The following ATG4B variants were observed in gnomAD, a reference collection of about 807,000 sequenced individuals.
The protein encoded by ATG4B is autophagy related 4B cysteine peptidase, also known as cysteine protease ATG4B.
ATG4B carries 29 observed loss-of-function variants against 56.6 expected under a neutral mutation model. The ratio of observed to expected loss-of-function variants is 0.51; its 90% CI spans 0.38 to 0.70. The LOEUF (loss-of-function observed/expected upper bound fraction) is 0.70, where lower values mean the gene tolerates loss of function less well. Among genes scored for constraint, ATG4B ranks in the 30% least tolerant of loss-of-function variants. The pLI is 0.00. For synonymous variants in ATG4B, 224 were observed against 206.1 expected (o/e 1.09, Z -0.74); for missense variants, 461 against 515.5 (o/e 0.89, Z 1.02).
At chr2:241,637,832 G>T (rs901154151) in intron 1 of ATG4B, 108 bp downstream of exon 1, 35 of 1,299,058 alleles carry the variant, frequency 2.7e-5, no homozygotes, top group Admixed American at 7.5e-5. Flanking sequence ...ACGCCGGTGC[G>T]GGCCAGGCTG....
chr2:241,649,790 T>G (rs896536781), intron 1 of ATG4B, among the ~76,000 whole-genome samples: 1 of 150,212 alleles, frequency 6.7e-6, no homozygotes, highest in African/African-American at 2.4e-5. Context: ...TTTTCTTTTT[T>G]TTTTTTTTTT....
chr2:241,668,437 T>C lies in ATG4B; in HGVS notation c.812-103T>C. Reference sequence around the variant, plus strand: ...TCCCTCCCCACCTCCTGCCCACTGCTTCTCAGTGTGATGTGGGTGCAGTGG... The same window carrying C: ...TCCCTCCCCACCTCCTGCCCACTGCCTCTCAGTGTGATGTGGGTGCAGTGG... On this transcript the variant is annotated intron_variant, in intron 9 of 12. Coordinates refer to ENST00000404914, the MANE Select transcript of ATG4B (RefSeq NM_013325.5). The surrounding 1 kb of genome is among the most constrained non-coding windows in gnomAD (Gnocchi z 4.2). 6.7e-7 allele frequency: 1 copy of C among 1,487,788 alleles called. No individual in the cohort carries two copies. The highest frequency in any genetic ancestry group is 9.1e-7 in the Non-Finnish European group (1 of 1,098,012). 92.2% of individuals were successfully genotyped at this position (1,487,788 alleles called of 1,614,324 possible). A position where few individuals can be genotyped will look rare whatever the true frequency, so the allele number is the denominator to read the frequency against.
intron 6 of ATG4B, among the ~76,000 whole-genome samples, chr2:241,658,061 C>G (rs779438550): frequency 6.6e-6 from 1 of 152,230 alleles, no homozygotes; most frequent in Non-Finnish European, 1.5e-5. Context: ...TAGTGCCACT[C>G]CCCGTTCCTG....
At chr2:241,656,772 C>T (rs2068417400) in intron 6 of ATG4B, among the ~76,000 whole-genome samples, 2 of 152,252 alleles carry the variant, frequency 1.3e-5, no homozygotes, top group African/African-American at 4.8e-5. Flanking sequence ...CCTGCTTCTC[C>T]TACAGTGGTC....
Position 241,651,506 on chromosome 2 carries a change from A to G in ATG4B, c.184+171A>G, listed in dbSNP as rs984419797. On this transcript the variant is annotated intron_variant, in intron 3 of 12. Coordinates refer to ENST00000404914, the MANE Select transcript of ATG4B (RefSeq NM_013325.5). This position sits in a 1 kb window ranked among gnomAD's most constrained non-coding sequence, Gnocchi z 4.1. ...CACGTGTAGTAGTGGCAAAGCTAGA[A>G]TCCACGGCGCCTGACTCTAGGCTAG... 6.6e-6 allele frequency among the ~76,000 whole-genome samples: 1 copy of G among 152,238 alleles called. No homozygotes were observed. Among genetic ancestry groups the G allele is most frequent in the Non-Finnish European group, 1.5e-5 (1 of 68,046 alleles).
intron 10 of ATG4B, among the ~76,000 whole-genome samples, chr2:241,669,073 A>AAC (rs201206626): frequency 1.2e-4 from 12 of 100,374 alleles, no homozygotes; most frequent in African/African-American, 3.4e-4. Flanking sequence ...CCCACATTTA[A>AAC]ACACGGGCGG....
intron 7 of ATG4B, among the ~76,000 whole-genome samples, chr2:241,665,474 GT>G (rs1310240642): frequency 1.3e-5 from 2 of 152,350 alleles, no homozygotes; most frequent in Non-Finnish European, 1.5e-5. Context: ...AATTGAGAAG[GT>G]TCTGCCTCTT....
chr2:241,653,709 C>T, intron 4 of ATG4B, 99 bp downstream of exon 4: 1 of 1,020,558 alleles, frequency 9.8e-7, no homozygotes, highest in South Asian at 1.6e-5. Flanking sequence ...ACAGGTAAAA[C>T]AGTAAGTAGA....
chr2:241,648,898 G>T (rs1018874479), intron 1 of ATG4B, among the ~76,000 whole-genome samples: 1 of 152,208 alleles, frequency 6.6e-6, no homozygotes, highest in African/African-American at 2.4e-5. Context: ...AGGCTTTTGG[G>T]TATAGTAAAA....
At chr2:241,652,439 G>A (rs1349993162) in intron 3 of ATG4B, among the ~76,000 whole-genome samples, 3 of 152,372 alleles carry the variant, frequency 2.0e-5, no homozygotes, top group African/African-American at 7.2e-5. Context: ...CTGGGGATGA[G>A]CCTGCACATG....
intron 1 of ATG4B, among the ~76,000 whole-genome samples, chr2:241,640,793 G>A (rs2067860445): frequency 2.6e-5 from 4 of 152,150 alleles, no homozygotes; most frequent in African/African-American, 9.7e-5. Context: ...GCAGCGGGTG[G>A]CGGTGGGAGA....
At chr2:241,659,723 A>T (rs993219535) in intron 7 of ATG4B, 1 of 200,918 alleles carries the variant, frequency 5.0e-6, no homozygotes, top group African/African-American at 2.3e-5. Context: ...GTGAGTTCCA[A>T]ATTCATGTTT....
At chr2:241,660,375 G>T (rs891744972) in intron 7 of ATG4B, among the ~76,000 whole-genome samples, 1 of 152,200 alleles carries the variant, frequency 6.6e-6, no homozygotes, top group African/African-American at 2.4e-5. Flanking sequence ...ATCCTCGGGG[G>T]CATTGTGACA....
At chr2:241,665,764 A>G (rs756451423) in intron 7 of ATG4B, among the ~76,000 whole-genome samples, 1 of 152,104 alleles carries the variant, frequency 6.6e-6, no homozygotes, top group Non-Finnish European at 1.5e-5. Context: ...CCTGCCTGAT[A>G]ATGGTGGTTT....
Position 241,668,527 on chromosome 2 carries a change from C to T in ATG4B, c.812-13C>T, listed in dbSNP as rs765865251. The T allele has an allele frequency of 3.7e-6, 6 of 1,606,234 alleles. No homozygotes were observed. Among genetic ancestry groups the T allele is most frequent in the South Asian group, 3.3e-5 (3 of 90,356 alleles). On this transcript the variant is annotated splice_polypyrimidine_tract_variant and intron_variant, in intron 9 of 12. Transcript: ENST00000404914. This position sits in a 1 kb window ranked among gnomAD's most constrained non-coding sequence, Gnocchi z 4.2. Reference sequence around the variant, plus strand: ...CTCGGCCACCCACCTGCCCACCTGCCTCATCCTCCCAGGTGAGGAGCTCAT... The same window carrying T: ...CTCGGCCACCCACCTGCCCACCTGCTTCATCCTCCCAGGTGAGGAGCTCAT...
At chr2:241,665,899 C>T (rs978642341) in intron 7 of ATG4B, among the ~76,000 whole-genome samples, 2 of 150,910 alleles carry the variant, frequency 1.3e-5, no homozygotes, top group African/African-American at 4.8e-5. Context: ...TCACTGTCAC[C>T]TGTCACTGTC....
chr2:241,659,306 A>C (rs1290140374), intron 7 of ATG4B, 119 bp downstream of exon 7: 1 of 894,316 alleles, frequency 1.1e-6, no homozygotes, highest in Non-Finnish European at 1.8e-6. Context: ...CATGCCGTGC[A>C]GGTGCTCCGT....
intron 1 of ATG4B, among the ~76,000 whole-genome samples, chr2:241,644,340 G>A (rs2067998938): frequency 1.3e-5 from 2 of 152,034 alleles, no homozygotes; most frequent in African/African-American, 4.8e-5. Flanking sequence ...CAGACCCTTG[G>A]GTGACAGAGC....
At chr2:241,652,082 C>A (rs1438991102) in intron 3 of ATG4B, 4 of 710,008 alleles carry the variant, frequency 5.6e-6, no homozygotes, top group Non-Finnish European at 8.4e-6. Flanking sequence ...AGTCAAATAG[C>A]CACAACGGCT....
Sources: gnomAD v4.1 joint callset for allele counts (sites outside exome capture counted in the v4.1 genomes callset) on GRCh38, gnomAD v4.1.1 for gene constraint, Gnocchi (gnomAD v3.1) non-coding constraint, MANE v1.5 for transcripts, NCBI Gene and HGNC (gene_info 2026-07-23, HGNC 2026-07-21) for gene names.